KDM4C: variants seen among roughly 807,000 people sequenced by gnomAD.
KDM4C encodes the protein lysine demethylase 4C.
KDM4C carries 81 observed loss-of-function variants against 129.3 expected under a neutral mutation model. That is an observed-to-expected ratio of 0.63 (90% confidence interval 0.52 to 0.75). The LOEUF (loss-of-function observed/expected upper bound fraction) is 0.75. KDM4C is among the 30% of genes least tolerant of loss of function. The pLI is 0.00. For missense variants in KDM4C, 1,457 were observed against 1,304.0 expected, an observed-to-expected ratio of 1.12 and a Z score of -1.81; for synonymous variants, 573 against 456.1, an observed-to-expected ratio of 1.26 and a Z score of -3.26.
chr9:6,938,495 A>G, intron 8 of KDM4C, among the ~76,000 whole-genome samples: 1 of 152,232 alleles, frequency 6.6e-6, no homozygotes, highest in Admixed American at 6.5e-5. Flanking sequence ...AACCGACCGT[A>G]TGAAGCTGTT....
chr9:7,051,662 G>T (rs888153400), intron 17 of KDM4C, among the ~76,000 whole-genome samples: 4 of 152,090 alleles, frequency 2.6e-5, no homozygotes, highest in African/African-American at 7.2e-5. Flanking sequence ...ATATGTGTCT[G>T]CCAGTGTCAG....
intron 18 of KDM4C, among the ~76,000 whole-genome samples, chr9:7,124,501 A>T (rs1320543941): frequency 6.6e-6 from 1 of 152,088 alleles, no homozygotes; most frequent in East Asian, 1.9e-4. Flanking sequence ...TGGAGTCAAC[A>T]TCAGTCTGCA....
At chr9:7,040,219 A>C (rs1828324126) in intron 15 of KDM4C, among the ~76,000 whole-genome samples, 1 of 151,944 alleles carries the variant, frequency 6.6e-6, no homozygotes. Context: ...TTCTTCATAT[A>C]CTATACTCCA....
chr9:6,867,109 G>A (rs1480220368), intron 5 of KDM4C, among the ~76,000 whole-genome samples: 7 of 150,322 alleles, frequency 4.7e-5, no homozygotes, highest in Admixed American at 2.7e-4. Context: ...TCCGCCTGCC[G>A]GGTTCAAGCA....
At chr9:7,098,385 AC>A (rs1836693698) in intron 17 of KDM4C, among the ~76,000 whole-genome samples, 1 of 152,208 alleles carries the variant, frequency 6.6e-6, no homozygotes, top group Admixed American at 6.5e-5. Context: ...GGCTTCTGAT[AC>A]CTTATTTATG....
intron 1 of KDM4C, among the ~76,000 whole-genome samples, chr9:6,743,715 T>C (rs1359932383): frequency 6.6e-6 from 1 of 151,994 alleles, no homozygotes; most frequent in East Asian, 1.9e-4. Flanking sequence ...GTCATGTGGC[T>C]AGGCTGGTTT....
intron 5 of KDM4C, among the ~76,000 whole-genome samples, chr9:6,877,317 C>T (rs899877040): frequency 1.3e-5 from 2 of 152,222 alleles, no homozygotes; most frequent in Non-Finnish European, 2.9e-5. Flanking sequence ...TCTTCTGCGT[C>T]AGCCTCCCAA....
intron 11 of KDM4C, among the ~76,000 whole-genome samples, chr9:6,988,138 GAGTGAGAGACC>G (rs1194299630): frequency 4.8e-5 from 6 of 125,324 alleles, no homozygotes; most frequent in African/African-American, 1.5e-4. Context: ...CTGGGTGACA[GAGTGAGAGACC>G]CTGTCTCTTA....
chr9:7,050,100 G>A (rs1315311789), intron 17 of KDM4C, among the ~76,000 whole-genome samples: 4 of 151,974 alleles, frequency 2.6e-5, no homozygotes, highest in African/African-American at 9.7e-5. Context: ...CGTCTCTGGG[G>A]CTCTCTTATA....
intron 12 of KDM4C, among the ~76,000 whole-genome samples, chr9:7,004,420 T>G (rs1471120904): frequency 6.6e-6 from 1 of 152,210 alleles, no homozygotes; most frequent in Non-Finnish European, 1.5e-5. Context: ...ACATTTAACC[T>G]TTTAAATAGA....
intron 8 of KDM4C, chr9:6,925,132 T>G (rs1271827975): frequency 2.0e-6 from 2 of 985,350 alleles, no homozygotes; most frequent in Non-Finnish European, 2.4e-6. Flanking sequence ...AACTCTTTCA[T>G]GGATGCCAAG....
intron 8 of KDM4C, among the ~76,000 whole-genome samples, chr9:6,949,503 A>G (rs1351541116): frequency 6.6e-6 from 1 of 152,102 alleles, no homozygotes. Context: ...TGGGAGGTGG[A>G]GGTTGTAGCG....
intron 15 of KDM4C, among the ~76,000 whole-genome samples, chr9:7,042,776 A>C (rs1828810076): frequency 6.6e-6 from 1 of 152,004 alleles, no homozygotes; most frequent in African/African-American, 2.4e-5. Flanking sequence ...TGTTAGAGAA[A>C]AGGTGCATGG....
intron 19 of KDM4C, among the ~76,000 whole-genome samples, chr9:7,152,673 A>C (rs1254239319): frequency 6.6e-6 from 1 of 152,136 alleles, no homozygotes; most frequent in Non-Finnish European, 1.5e-5. Context: ...TTACAATTGA[A>C]TGTGGTTAAA....
At chr9:6,906,457 G>C (rs979698461) in intron 8 of KDM4C, among the ~76,000 whole-genome samples, 1 of 152,114 alleles carries the variant, frequency 6.6e-6, no homozygotes, top group African/African-American at 2.4e-5. Context: ...CAAGTCTTCT[G>C]CCTCAATGGT....
At chr9:7,061,992 G>T (rs1018191066) in intron 17 of KDM4C, among the ~76,000 whole-genome samples, 1 of 152,298 alleles carries the variant, frequency 6.6e-6, no homozygotes, top group Non-Finnish European at 1.5e-5. Flanking sequence ...TCTTGAGACA[G>T]AGTCTGTCTC....
At chr9:6,871,593 A>T (rs568812668) in intron 5 of KDM4C, among the ~76,000 whole-genome samples, 1 of 152,354 alleles carries the variant, frequency 6.6e-6, no homozygotes, top group African/African-American at 2.4e-5. Context: ...ATAATTATTA[A>T]TTTTAACAAA....
intron 1 of KDM4C, among the ~76,000 whole-genome samples, chr9:6,742,875 A>G (rs1817748148): frequency 6.6e-6 from 1 of 152,034 alleles, no homozygotes; most frequent in Admixed American, 6.6e-5. Context: ...TCAGTAGCCA[A>G]GGTCTGGGGA....
chr9:7,152,094 C>T (rs930954462), intron 19 of KDM4C, among the ~76,000 whole-genome samples: 6 of 152,186 alleles, frequency 3.9e-5, no homozygotes, highest in African/African-American at 1.2e-4. Context: ...TTATTTACTG[C>T]ACTAGAGAAA....
Sources: gnomAD v4.1 joint callset for allele counts (sites outside exome capture counted in the v4.1 genomes callset) on GRCh38, gnomAD v4.1.1 for gene constraint, MANE v1.5 for transcripts, NCBI Gene and HGNC (gene_info 2026-07-23, HGNC 2026-07-21) for gene names.